DNAAF4: variants seen among roughly 807,000 people sequenced by gnomAD.
DNAAF4 encodes dynein assembly factor 4, axonemal.
Under a neutral mutation model 51.8 loss-of-function variants are expected in DNAAF4, and 43 were observed. The observed-to-expected ratio is 0.83, with a 90% confidence interval of 0.65 to 1.07. The LOEUF is 1.07. Among genes scored for constraint, DNAAF4 ranks in the 50% least tolerant of loss-of-function variants. The probability of loss-of-function intolerance (pLI) is 0.00; values close to 1 mark genes in which losing one functional copy is unlikely to be tolerated. For missense variants in DNAAF4, 581 were observed against 493.0 expected (o/e 1.18, Z -1.69); for synonymous variants, 194 against 165.6 (o/e 1.17, Z -1.32).
At chr15:55,434,070 G>C (rs2057569840) in intron 8 of DNAAF4, among the ~76,000 whole-genome samples, 1 of 83,380 alleles carries the variant, frequency 1.2e-5, no homozygotes. Context: ...ATTATTATCA[G>C]GTTTTCCAGA....
intron 5 of DNAAF4, among the ~76,000 whole-genome samples, chr15:55,461,497 T>C (rs1000336805): frequency 2.6e-5 from 4 of 152,152 alleles, no homozygotes; most frequent in Admixed American, 6.6e-5. Flanking sequence ...CTCAAAACTA[T>C]ACAAATATAT....
chr15:55,496,060 C>G (rs2058636785), intron 3 of DNAAF4, among the ~76,000 whole-genome samples: 1 of 152,156 alleles, frequency 6.6e-6, no homozygotes, highest in Non-Finnish European at 1.5e-5. Context: ...GAAACCTTGT[C>G]TCTACTAAAA....
At chr15:55,466,890 C>T (rs567521082) in intron 5 of DNAAF4, 40 bp downstream of exon 5, 1 of 1,575,356 alleles carries the variant, frequency 6.3e-7, no homozygotes, top group Admixed American at 2.2e-5. Flanking sequence ...TATACTTCAC[C>T]AACAGGACTC....
chr15:55,491,293 A>G (rs2058567755), intron 3 of DNAAF4, 37 bp from the exon 4 acceptor site: 1 of 1,580,962 alleles, frequency 6.3e-7, no homozygotes, highest in East Asian at 2.3e-5. Flanking sequence ...TAGAATTATG[A>G]CAAATTTGCT....
chr15:55,470,545 T>A (rs1457303792), intron 4 of DNAAF4, among the ~76,000 whole-genome samples: 2 of 121,392 alleles, frequency 1.6e-5, no homozygotes, highest in African/African-American at 3.7e-5. Flanking sequence ...CATGACTGGG[T>A]TTTTTTTTTT....
At chr15:55,481,358 C>T (rs975089517) in intron 4 of DNAAF4, among the ~76,000 whole-genome samples, 1 of 152,140 alleles carries the variant, frequency 6.6e-6, no homozygotes, top group Non-Finnish European at 1.5e-5. Context: ...TCATGGGGCC[C>T]CTGGTCAAGG....
At position 55,432,529 on chromosome 15, in the gene DNAAF4, G is replaced by A. The variant is rs771343192; in HGVS notation, c.1121C>T (p.Thr374Ile). 9.9e-6 allele frequency: 16 copies of A among 1,611,998 alleles called. No individual in the cohort carries two copies. The Admixed American group carries it at 2.3e-4, about 24-fold the overall frequency. Residue 374 changes from threonine (T) to isoleucine (I), a missense_variant, in exon 9 of 10, where the codon ACA becomes ATA. Physicochemically the swap from Thr to Ile is moderately conservative, Grantham distance 89 (BLOSUM62 -1). Transcript: ENST00000321149. Reference sequence around the variant, plus strand: ...ATACAATTCTAGTTGACAGAATGCTGTTCCACGTCGTACATGTGCCTTCAT... The same window carrying A: ...ATACAATTCTAGTTGACAGAATGCTATTCCACGTCGTACATGTGCCTTCAT... Reference protein sequence around the residue: ...ARMKAHVRRGTAFCQLELYVE... With the variant: ...ARMKAHVRRGIAFCQLELYVE...
downstream of DNAAF4, among the ~76,000 whole-genome samples, chr15:55,429,851 T>A (rs190283852): frequency 6.6e-5 from 10 of 151,856 alleles, no homozygotes; most frequent in African/African-American, 2.2e-4. Flanking sequence ...AAAATTTAAT[T>A]AGAGAATTAC....
intron 6 of DNAAF4, among the ~76,000 whole-genome samples, chr15:55,443,756 G>C (rs2057753149): frequency 2.0e-5 from 3 of 152,166 alleles, no homozygotes; most frequent in Admixed American, 2.0e-4. Context: ...GTGTGAGATG[G>C]TATCTCATTG....
chr15:55,448,500 C>CAA (rs1172391709), intron 6 of DNAAF4, among the ~76,000 whole-genome samples: 46,861 of 61,868 alleles, frequency 0.76, 19,713 homozygotes, highest in East Asian at 0.94. Flanking sequence ...ACCCCCAACT[C>CAA]AAAAAAAAAA....
chr15:55,439,634 C>A, intron 6 of DNAAF4, 53 bp from the exon 7 acceptor site: 1 of 1,489,634 alleles, frequency 6.7e-7, no homozygotes, highest in Non-Finnish European at 9.2e-7. Context: ...TTTTAATTAA[C>A]ATTTCCTTTT....
downstream of DNAAF4, among the ~76,000 whole-genome samples, chr15:55,426,990 G>C (rs750983667): frequency 6.6e-6 from 1 of 152,198 alleles, no homozygotes; most frequent in Non-Finnish European, 1.5e-5. Context: ...AATTTATTAA[G>C]ACACGGAAAT....
At chr15:55,490,005 C>G (rs1201703331) in intron 4 of DNAAF4, among the ~76,000 whole-genome samples, 9 of 151,666 alleles carry the variant, frequency 5.9e-5, no homozygotes, top group Admixed American at 5.9e-4. Context: ...TACCGAGTAG[C>G]TGGGATTACA....
chr15:55,432,700 C>T, intron 8 of DNAAF4, 98 bp from the exon 9 acceptor site: 3 of 1,041,550 alleles, frequency 2.9e-6, no homozygotes, highest in Non-Finnish European at 4.1e-6. Flanking sequence ...AATCCCAACA[C>T]TTGGGGAGGC....
At chr15:55,480,574 T>C (rs692062) in intron 4 of DNAAF4, among the ~76,000 whole-genome samples, 16,737 of 152,032 alleles carry the variant, frequency 0.11, 1,772 homozygotes, top group East Asian at 0.58. Context: ...CCGAGATCAA[T>C]ATAGCTCCCA....
At chr15:55,453,541 AAC>A (rs1181759843) in intron 5 of DNAAF4, among the ~76,000 whole-genome samples, 112 of 151,082 alleles carry the variant, frequency 7.4e-4, no homozygotes, top group Non-Finnish European at 1.5e-3. Flanking sequence ...GTGAAAAAAA[AAC>A]AGTTCTTTTT....
At position 55,498,214 on chromosome 15, in the gene DNAAF4, T is replaced by C. The variant is rs550451145; in HGVS notation, c.116A>G (p.Tyr39Cys). 6.2e-7 allele frequency: 1 copy of C among 1,613,972 alleles called. No homozygotes were observed. Among genetic ancestry groups the C allele is most frequent in the Non-Finnish European group, 8.5e-7 (1 of 1,179,936 alleles). ...RDTDVFCTEN[Y>C]LKVNFPPFLF... ...CAAGACTTGCATTCTTACCTTCAGA[T>C]AGTTTTCCGTGCAGAACACGTCCGT... Residue 39 changes from tyrosine to cysteine, a missense_variant, in exon 2 of 10, where the codon TAT becomes TGT. Transcript: ENST00000321149.
intron 4 of DNAAF4, among the ~76,000 whole-genome samples, chr15:55,487,144 T>C (rs148919216): frequency 2.0e-5 from 3 of 152,182 alleles, no homozygotes; most frequent in African/African-American, 7.2e-5. Context: ...TTGGAGAACT[T>C]TTCCTGTCTA....
In DNAAF4 at chr15:55,443,225, T is replaced by C. The variant is rs1312445378; in HGVS notation, c.784-3644A>G. 3.1e-6 allele frequency: 5 copies of C among 1,608,352 alleles called. No individual in the cohort carries two copies. The East Asian group carries it at 1.1e-4, about 36-fold the overall frequency. On this transcript the variant is annotated intron_variant, in intron 6 of 9. Transcript: ENST00000321149. ...CTGGGGTTGGGGACAGAATAGTCCT[T>C]AAGAATGACTTCCTCAGAAGAAAAT... is the stretch of plus-strand genomic sequence containing the variant.
Sources: gnomAD v4.1 joint callset for allele counts (sites outside exome capture counted in the v4.1 genomes callset) on GRCh38, gnomAD v4.1.1 for gene constraint, MANE v1.5 for transcripts, NCBI Gene and HGNC (gene_info 2026-07-23, HGNC 2026-07-21) for gene names.